Variants in NCKAP5 observed in about 807,000 individuals in gnomAD.
The protein encoded by NCKAP5 is NCK associated protein 5.
In NCKAP5, 92 loss-of-function variants were observed where a neutral mutation model predicts 167.0. The observed-to-expected ratio is 0.55, with a 90% CI of 0.47 to 0.66. The LOEUF is 0.66. NCKAP5 is among the 30% of genes least tolerant of loss of function. The probability of loss-of-function intolerance (pLI) is 0.00; values close to 1 mark genes in which losing one functional copy is unlikely to be tolerated. For missense variants in NCKAP5, 2,378 were observed against 2,315.0 expected (o/e 1.03, Z -0.56); for synonymous variants, 891 against 877.4 (o/e 1.02, Z -0.27).
intron 7 of NCKAP5, among the ~76,000 whole-genome samples, chr2:132,983,702 G>GGA (rs2077204666): frequency 6.6e-6 from 1 of 152,158 alleles, no homozygotes; most frequent in African/African-American, 2.4e-5. Flanking sequence ...GACTGACATG[G>GGA]GAGTCGGGAG....
At chr2:133,076,652 C>A (rs181653020) in intron 6 of NCKAP5, among the ~76,000 whole-genome samples, 178 of 152,318 alleles carry the variant, frequency 1.2e-3, no homozygotes, top group Admixed American at 4.7e-3. Context: ...GCTGCATGAA[C>A]CACCTGGATG....
At chr2:132,834,986 C>T (rs184968437) in intron 11 of NCKAP5, among the ~76,000 whole-genome samples, 2 of 152,036 alleles carry the variant, frequency 1.3e-5, no homozygotes, top group African/African-American at 4.8e-5. Flanking sequence ...GAGGTATGTT[C>T]CTTTAATGCC....
chr2:133,474,155 T>TCTATCTATCTATCTATAC (rs1553649110), intron 3 of NCKAP5, among the ~76,000 whole-genome samples: 5 of 142,650 alleles, frequency 3.5e-5, no homozygotes, highest in East Asian at 2.0e-4. Flanking sequence ...TATCTATCTA[T>TCTATCTATCTATCTATAC]ACACACACAC....
chr2:132,927,773 C>T (rs572237077), intron 8 of NCKAP5, among the ~76,000 whole-genome samples: 1 of 152,038 alleles, frequency 6.6e-6, no homozygotes, highest in Admixed American at 6.6e-5. Flanking sequence ...TTTTTGGAGA[C>T]ATCGTTAGGG....
At chr2:132,901,945 T>C (rs1381097120) in intron 8 of NCKAP5, among the ~76,000 whole-genome samples, 2 of 152,232 alleles carry the variant, frequency 1.3e-5, no homozygotes, top group Non-Finnish European at 2.9e-5. Context: ...CTAGTTGACA[T>C]GCATTTTGCT....
intron 3 of NCKAP5, among the ~76,000 whole-genome samples, chr2:133,500,355 T>G (rs541773424): frequency 1.3e-5 from 2 of 152,236 alleles, no homozygotes; most frequent in African/African-American, 2.4e-5. Context: ...TGACAAACTT[T>G]ACCTTCTAAC....
At chr2:132,940,090 C>T (rs1198979753) in intron 8 of NCKAP5, among the ~76,000 whole-genome samples, 1 of 152,122 alleles carries the variant, frequency 6.6e-6, no homozygotes, top group Non-Finnish European at 1.5e-5. Flanking sequence ...CATTCTTATG[C>T]CTTTGCATCC....
intron 8 of NCKAP5, among the ~76,000 whole-genome samples, chr2:132,933,084 G>A (rs542815677): frequency 2.0e-5 from 3 of 151,980 alleles, no homozygotes; most frequent in East Asian, 3.9e-4. Context: ...GCCACCACGC[G>A]TGGCTAATAT....
At chr2:132,913,540 G>T (rs2148963631) in intron 8 of NCKAP5, among the ~76,000 whole-genome samples, 1 of 152,180 alleles carries the variant, frequency 6.6e-6, no homozygotes, top group Middle Eastern at 3.4e-3. Flanking sequence ...ATAAATGTTA[G>T]CTGTCTTCTG....
At chr2:133,403,426 T>C (rs906552242) in intron 3 of NCKAP5, among the ~76,000 whole-genome samples, 4 of 152,208 alleles carry the variant, frequency 2.6e-5, no homozygotes, top group Non-Finnish European at 5.9e-5. Context: ...GCAAGTAATT[T>C]CTTATAGGTT....
chr2:132,951,062 T>G (rs2076172036), intron 8 of NCKAP5, among the ~76,000 whole-genome samples: 1 of 152,234 alleles, frequency 6.6e-6, no homozygotes, highest in Non-Finnish European at 1.5e-5. Flanking sequence ...TCATGTTCCT[T>G]GCTCTGTTCT....
chr2:132,780,348 C>T (rs895008891), intron 15 of NCKAP5, among the ~76,000 whole-genome samples: 2 of 152,116 alleles, frequency 1.3e-5, no homozygotes, highest in African/African-American at 4.8e-5. Flanking sequence ...GACGGGGTTT[C>T]ACCGTGTTAG....
At chr2:133,560,329 C>T (rs1263518529) in intron 1 of NCKAP5, among the ~76,000 whole-genome samples, 1 of 152,192 alleles carries the variant, frequency 6.6e-6, no homozygotes, top group Non-Finnish European at 1.5e-5. Context: ...CCTAAGGTTA[C>T]AATTTCAAAC....
At chr2:133,002,660 C>A (rs751393272) in intron 6 of NCKAP5, among the ~76,000 whole-genome samples, 2 of 152,220 alleles carry the variant, frequency 1.3e-5, no homozygotes, top group African/African-American at 4.8e-5. Flanking sequence ...CAGAGCCAAG[C>A]CTTGACCCGT....
At chr2:133,437,835 A>G (rs1690590067) in intron 3 of NCKAP5, among the ~76,000 whole-genome samples, 1 of 152,242 alleles carries the variant, frequency 6.6e-6, no homozygotes, top group Admixed American at 6.5e-5. Flanking sequence ...TTCTTTTGAG[A>G]ATTAAATAAG....
At chr2:132,807,208 T>C (rs976085306) in intron 11 of NCKAP5, among the ~76,000 whole-genome samples, 3 of 152,186 alleles carry the variant, frequency 2.0e-5, no homozygotes, top group African/African-American at 4.8e-5. Context: ...TCCAGATTTG[T>C]TATTTTTGTT....
chr2:133,503,275 G>A (rs535394930), intron 3 of NCKAP5, among the ~76,000 whole-genome samples: 43 of 152,296 alleles, frequency 2.8e-4, no homozygotes, highest in African/African-American at 8.7e-4. Flanking sequence ...AACTGTGAAC[G>A]AGTCAAAGCT....
At chr2:133,608,001 C>T in the NCKAP5 span, among the ~76,000 whole-genome samples, 2 of 152,232 alleles carry the variant, frequency 1.3e-5, no homozygotes, top group Admixed American at 1.3e-4. Flanking sequence ...TTTCCTGTTC[C>T]TATATCAACT....
At chr2:133,326,282 TG>T (rs2150699202) in intron 3 of NCKAP5, among the ~76,000 whole-genome samples, 1 of 152,050 alleles carries the variant, frequency 6.6e-6, no homozygotes, top group South Asian at 2.1e-4. Flanking sequence ...GGTGAAACCC[TG>T]TCTCTACTGA....
Sources: allele counts gnomAD v4.1 joint callset (sites outside exome capture counted in the v4.1 genomes callset), GRCh38; gene constraint gnomAD v4.1.1; transcripts MANE v1.5; gene names NCBI Gene and HGNC (gene_info 2026-07-23, HGNC 2026-07-21).